Variants in DNAH3 observed in about 807,000 individuals in gnomAD.
The protein encoded by DNAH3 is axonemal beta dynein heavy chain 3.
Under a neutral mutation model 432.5 loss-of-function variants are expected in DNAH3, and 332 were observed. The observed-to-expected ratio is 0.77, with a 90% CI of 0.70 to 0.84. The LOEUF is 0.84. DNAH3 is among the 40% of genes least tolerant of loss of function. DNAH3 has a pLI of 0.00. For missense variants in DNAH3, 4,861 were observed against 5,114.0 expected, an observed-to-expected ratio of 0.95 and a Z score of 1.51; for synonymous variants, 1,956 against 1,900.2, an observed-to-expected ratio of 1.03 and a Z score of -0.76.
intron 52 of DNAH3, 110 bp downstream of exon 52, chr16:20,969,682 C>T: frequency 8.1e-7 from 1 of 1,237,938 alleles, no homozygotes; most frequent in Non-Finnish European, 1.2e-6. Context: ...CCTCCAAACT[C>T]AGTGATCTTG....
intron 19 of DNAH3, among the ~76,000 whole-genome samples, chr16:21,083,217 T>C (rs2091255704): frequency 6.6e-6 from 1 of 152,112 alleles, no homozygotes; most frequent in Non-Finnish European, 1.5e-5. Context: ...GGTTTCGCCA[T>C]GTTGGCCAGA....
chr16:21,008,026 T>C (rs962539544), intron 41 of DNAH3, among the ~76,000 whole-genome samples: 1 of 152,236 alleles, frequency 6.6e-6, no homozygotes, highest in Non-Finnish European at 1.5e-5. Context: ...GAGTTTTCTT[T>C]CTGGACTGTC....
rs190043471 is a variant in DNAH3, at chr16:20,959,253, G to C, written c.10752C>G (p.Ala3584=). The C allele has an allele frequency of 3.2e-5, 52 of 1,614,126 alleles. No individual in the cohort carries two copies. In the Admixed American group the frequency reaches 7.0e-4, roughly 22 times the overall value. The change falls in exon 54 of 62, where the codon GCC becomes GCG. Residue 3584 remains alanine, a synonymous_variant. Coordinates refer to ENST00000261383, the Ensembl canonical transcript of DNAH3. ...TCTCCAGGGTAGGCATCCAGCTTGC[G>C]GCCAGGTGGCAGTTCTGTAAGACCA...
intron 52 of DNAH3, among the ~76,000 whole-genome samples, chr16:20,967,415 TA>T (rs35649183): frequency 1.3e-5 from 2 of 148,376 alleles, no homozygotes; most frequent in Non-Finnish European, 3.0e-5. Flanking sequence ...CAGGGGAGCT[TA>T]AAAAAAATCC....
intron 43 of DNAH3, 134 bp from the exon 44 acceptor site, chr16:20,997,596 G>T: frequency 1.0e-6 from 1 of 992,210 alleles, no homozygotes; most frequent in Non-Finnish European, 1.5e-6. Context: ...TTAGGGCTTA[G>T]TCAATGGATG....
chr16:21,021,589 G>T (rs924335525), intron 40 of DNAH3, among the ~76,000 whole-genome samples: 15 of 151,984 alleles, frequency 9.9e-5, no homozygotes, highest in Non-Finnish European at 1.8e-4. Context: ...ATTCAATGGG[G>T]GCCAAAGAGA....
chr16:20,952,756 A>G (rs989311654), intron 55 of DNAH3, among the ~76,000 whole-genome samples: 20 of 152,104 alleles, frequency 1.3e-4, no homozygotes, highest in Admixed American at 3.9e-4. Flanking sequence ...TCTAAAATCA[A>G]TTTCCTTATA....
At chr16:20,990,860 A>G (rs2086519861) in intron 44 of DNAH3, among the ~76,000 whole-genome samples, 1 of 152,048 alleles carries the variant, frequency 6.6e-6, no homozygotes, top group Non-Finnish European at 1.5e-5. Flanking sequence ...ATCTCTATTA[A>G]AAATACAAAA....
At chr16:21,123,843 C>T (rs1212783399) in intron 9 of DNAH3, among the ~76,000 whole-genome samples, 2 of 151,868 alleles carry the variant, frequency 1.3e-5, no homozygotes, top group African/African-American at 4.8e-5. Flanking sequence ...AGGCTGGAGC[C>T]AGGCAGTGGC....
intron 7 of DNAH3, among the ~76,000 whole-genome samples, chr16:21,130,657 A>G (rs2092540005): frequency 6.6e-6 from 1 of 152,100 alleles, no homozygotes; most frequent in Admixed American, 6.6e-5. Flanking sequence ...AAATGATTTC[A>G]GTTCACTTTG....
chr16:20,969,285 T>C (rs541488081), intron 52 of DNAH3, among the ~76,000 whole-genome samples: 11 of 150,122 alleles, frequency 7.3e-5, no homozygotes, highest in African/African-American at 2.7e-4. Flanking sequence ...TGCATGCATG[T>C]GTGTGCATGT....
intron 10 of DNAH3, chr16:21,121,106 G>C (rs745939770): frequency 1.7e-6 from 1 of 599,984 alleles, no homozygotes; most frequent in African/African-American, 1.8e-5. Flanking sequence ...AATGCATGGA[G>C]AGAGTGAGAA....
At chr16:21,104,261 T>C (rs1441436443) in intron 16 of DNAH3, 1 of 506,060 alleles carries the variant, frequency 2.0e-6, no homozygotes. Flanking sequence ...GGGAAGACAT[T>C]AGCAGAGGTT....
chr16:21,033,368 G>A (rs1298785462), intron 36 of DNAH3, among the ~76,000 whole-genome samples: 3 of 152,168 alleles, frequency 2.0e-5, no homozygotes, highest in Non-Finnish European at 4.4e-5. Flanking sequence ...TGTTTCTCTG[G>A]CAGGAAACAT....
rs2083959738 is a variant in DNAH3, at chr16:20,944,575, T to TTGTCTTTG, written c.11424_11431dup (p.Asn3811ThrfsTer16). The TTGTCTTTG allele has an allele frequency of 4.3e-6, 7 of 1,614,180 alleles. No individual in the cohort carries two copies. The highest frequency in any genetic ancestry group is 5.9e-6 in the Non-Finnish European group (7 of 1,180,032). On this transcript the variant is annotated frameshift_variant, in exon 58 of 62. Transcript: ENST00000261383. LOFTEE classifies it high-confidence loss of function. ...CTCAAACAGCTGGTTGGTTTCCTGG[T>TTGTCTTTG]TGTCTTTGGTGATGTCTGCGTTCTC...
At position 20,952,496 on chromosome 16, in the gene DNAH3, G is replaced by A. The variant is rs771143519; in HGVS notation, c.11125C>T (p.Gln3709Ter). 6.2e-6 allele frequency: 10 copies of A among 1,613,340 alleles called. No homozygotes were observed. The highest frequency in any genetic ancestry group is 8.5e-6 in the Non-Finnish European group (10 of 1,179,508). The stretch of plus-strand genomic sequence containing the variant: ...TAGTCATTGAGAAACATCTGGATCT[G>A]CCACATACTAATCCTCAGGTCAGAT... The change falls in exon 56 of 62, where the codon CAG becomes TAG. Residue 3709 changes from glutamine to a stop codon, truncating the protein, a stop_gained. Coordinates refer to ENST00000261383, the Ensembl canonical transcript of DNAH3. LOFTEE classifies it high-confidence loss of function.
chr16:20,965,061 G>A (rs1422403797), exon 53 of DNAH3: 29 of 1,613,758 alleles, frequency 1.8e-5, no homozygotes, highest in African/African-American at 2.7e-5. Flanking sequence ...CTTCAAAGTC[G>A]TCATTCAGGG....
At chr16:21,108,941 G>A (rs984112233) in intron 14 of DNAH3, among the ~76,000 whole-genome samples, 1 of 151,788 alleles carries the variant, frequency 6.6e-6, no homozygotes, top group African/African-American at 2.4e-5. Flanking sequence ...GACCAGCATG[G>A]TGAAACCCTG....
At chr16:21,086,939 A>T in exon 19 of DNAH3, 1 of 1,614,162 alleles carries the variant, frequency 6.2e-7, no homozygotes, top group East Asian at 2.2e-5. Context: ...TGATCTTCAC[A>T]TTCTCTGCTA....
Sources: gnomAD v4.1 joint callset for allele counts (sites outside exome capture counted in the v4.1 genomes callset) on GRCh38, gnomAD v4.1.1 for gene constraint, MANE v1.5 for transcripts, NCBI Gene and HGNC (gene_info 2026-07-23, HGNC 2026-07-21) for gene names.